The following ACAP3 variants were observed in gnomAD, a reference collection of about 807,000 sequenced individuals.
ACAP3 encodes arf-GAP with coiled-coil, ANK repeat and PH domain-containing protein 3.
Under a neutral mutation model 104.1 loss-of-function variants are expected in ACAP3, and 56 were observed. The ratio of observed to expected loss-of-function variants is 0.54; its 90% CI spans 0.43 to 0.67. The LOEUF is 0.67. Ranked by LOEUF, ACAP3 falls within the 30% of genes least tolerant of loss-of-function variation. ACAP3 has a pLI of 0.00. For missense variants in ACAP3, 1,208 were observed against 1,174.9 expected (o/e 1.03, Z -0.41); for synonymous variants, 628 against 496.2 (o/e 1.27, Z -3.53).
intron 4 of ACAP3, 149 bp downstream of exon 4, chr1:1,302,773 C>A (rs1197311789): frequency 3.3e-6 from 2 of 600,188 alleles, no homozygotes; most frequent in Admixed American, 2.3e-5. Context: ...CCCAACCCCA[C>A]ACTGACTTGA....
chr1:1,304,373 G>A (rs1641591009), intron 1 of ACAP3: 4 of 600,264 alleles, frequency 6.7e-6, no homozygotes, highest in Non-Finnish European at 8.8e-6. Context: ...TGTGCCCTCG[G>A]GGAAGAAGGC....
chr1:1,304,026 C>G, intron 2 of ACAP3, 60 bp downstream of exon 2: 1 of 1,546,392 alleles, frequency 6.5e-7, no homozygotes, highest in Non-Finnish European at 8.7e-7. Context: ...GAGGGCGAGT[C>G]TGGCCATGTG....
chr1:1,295,161 T>A (rs1044348040), intron 19 of ACAP3, among the ~76,000 whole-genome samples: 1 of 151,956 alleles, frequency 6.6e-6, no homozygotes, highest in African/African-American at 2.4e-5. Context: ...GCAGCATGGC[T>A]CCAGAAGGGC....
chr1:1,303,317 A>G lies in ACAP3; in HGVS notation c.106-36T>C, dbSNP rs1397607684. ...GCGGGGCGTGGTGAGCACAGTGGGC[A>G]CTGGCGCCTGCACTCGCCACCACAC... is the stretch of plus-strand genomic sequence containing the variant. On this transcript the variant is annotated intron_variant, in intron 2 of 23. Coordinates refer to ENST00000354700, the MANE Select transcript of ACAP3 (RefSeq NM_030649.3). The surrounding 1 kb of genome is among the most constrained non-coding windows in gnomAD (Gnocchi z 4.0). The G allele has an allele frequency of 3.9e-6, 6 of 1,550,578 alleles. No homozygotes were observed.
intron 21 of ACAP3, 26 bp downstream of exon 21, chr1:1,294,376 G>T (rs1034925171): frequency 1.4e-5 from 21 of 1,553,554 alleles, no homozygotes; most frequent in Non-Finnish European, 1.8e-5. Context: ...CCTGTGTCCT[G>T]CGCGCAGCCC....
intron 19 of ACAP3, chr1:1,295,022 C>G: frequency 1.7e-6 from 1 of 588,380 alleles, no homozygotes; most frequent in Non-Finnish European, 3.0e-6. Context: ...CAGGGGTAGC[C>G]CCCTAAAGCC....
chr1:1,293,740 C>A (rs1447793505), intron 23 of ACAP3, 32 bp from the exon 24 acceptor site: 3 of 1,453,596 alleles, frequency 2.1e-6, no homozygotes, highest in Non-Finnish European at 2.7e-6. Flanking sequence ...GACGCCCCTG[C>A]CCTGGAGGCC....
rs1462419133 is a variant in ACAP3, at chr1:1,298,120, G to A, written c.916-7C>T. 2 of 1,601,466 alleles carry A rather than the reference G, an allele frequency of 1.2e-6. No homozygotes were observed. Among genetic ancestry groups the A allele is most frequent in the Non-Finnish European group, 1.7e-6 (2 of 1,174,806 alleles). ...CCACCACGGTGAGGGCATCCTGTGG[G>A]CGGCACCGCTGTGGCCCCTGCCCTC... On this transcript the variant is annotated splice_region_variant and splice_polypyrimidine_tract_variant and intron_variant, in intron 12 of 23. Coordinates refer to ENST00000354700, the MANE Select transcript of ACAP3 (RefSeq NM_030649.3).
intron 9 of ACAP3, 47 bp downstream of exon 9, chr1:1,299,784 G>A (rs1313692237): frequency 1.3e-6 from 2 of 1,518,902 alleles, no homozygotes; most frequent in South Asian, 1.2e-5. Flanking sequence ...AGGACGCAGG[G>A]GCCTCCCAGG....
rs371663640 is a variant in ACAP3 at position 1,302,016 on chromosome 1, G to T, written c.310C>A (p.Arg104=). The T allele has an allele frequency of 1.3e-6, 2 of 1,570,908 alleles. No individual in the cohort carries two copies. The highest frequency in any genetic ancestry group is 2.7e-5 in the African/African-American group (2 of 73,134). ...ILFDQAQRSV[R]QQLQSFVKED... ...TTGACAAAGCTCTGGAGCTGCTGCC[G>T]CACGGACCTCTGGGCCTGGTCAAAC... The change falls in exon 5 of 24, where the codon CGG becomes AGG. Residue 104 remains arginine (R), a synonymous_variant. Coordinates refer to ENST00000354700, the MANE Select transcript of ACAP3 (RefSeq NM_030649.3).
Position 1,302,060 on chromosome 1 carries a change from C to A in ACAP3, c.280-14G>T. The stretch of plus-strand genomic sequence containing the variant: ...GTCAAACAGGATCTGGGGGCAGAGG[C>A]GGGCAGAGATCCTTGGGGTCTGTCC... On this transcript the variant is annotated splice_polypyrimidine_tract_variant and intron_variant, in intron 4 of 23. Transcript: ENST00000354700. 1.3e-6 allele frequency: 2 copies of A among 1,521,050 alleles called. No individual in the cohort carries two copies. Among genetic ancestry groups the A allele is most frequent in the Admixed American group, 2.0e-5 (1 of 49,108 alleles). The allele number at this position is 1,521,050 out of a possible 1,614,324, so 94.2% of individuals were successfully genotyped here. A position where few individuals can be genotyped will look rare whatever the true frequency, so the allele number is the denominator to read the frequency against.
rs1641052384 is a variant in ACAP3 at position 1,294,961 on chromosome 1, G to C, written c.1814-145C>G. 12 of 727,240 alleles carry C rather than the reference G, an allele frequency of 1.7e-5. No homozygotes were observed. In the South Asian group the frequency reaches 2.3e-4, roughly 14 times the overall value. 45.0% of individuals were successfully genotyped at this position (727,240 alleles called of 1,614,324 possible). A position where few individuals can be genotyped will look rare whatever the true frequency, so the allele number is the denominator to read the frequency against. On this transcript the variant is annotated intron_variant, in intron 19 of 23. Transcript: ENST00000354700. ...TCCCACCCAGGGCCGGGGGGAGCCA[G>C]CTGCAGGCTAGGAGCAAAGGAGAGA...
chr1:1,294,501 G>A lies in ACAP3; in HGVS notation c.2040C>T (p.Asp680=). Residue 680 remains aspartate, a synonymous_variant, in exon 21 of 24, where the codon GAC becomes GAT. Coordinates refer to ENST00000354700, the MANE Select transcript of ACAP3 (RefSeq NM_030649.3). ...CCAGCGCCGCCGCCAGCGCAGGAAG[G>A]TCGCGGGCACGCGCTGCGCGGTGCG... ...LLAHRAARAR[D]LPALAAALAH... is the part of the protein sequence containing the mutation. 1 of 1,534,830 alleles carries A rather than the reference G, an allele frequency of 6.5e-7. No homozygotes were observed. The highest frequency in any genetic ancestry group is 8.7e-7 in the Non-Finnish European group (1 of 1,147,700).
In ACAP3 at chr1:1,296,134, C is replaced by A. The variant is rs376304551; in HGVS notation, c.1408-25G>T. Reference sequence around the variant, plus strand: ...GCTAGCGGGAGACAGGGCGAGCAGGCATCAGTGCGAACCTGCAGACCCCAG... The same window carrying A: ...GCTAGCGGGAGACAGGGCGAGCAGGAATCAGTGCGAACCTGCAGACCCCAG... On this transcript the variant is annotated intron_variant, in intron 16 of 23. Coordinates refer to ENST00000354700, the MANE Select transcript of ACAP3 (RefSeq NM_030649.3). 3 of 1,612,076 alleles carry A rather than the reference C, an allele frequency of 1.9e-6. No individual in the cohort carries two copies. In the African/African-American group the frequency reaches 4.0e-5, roughly 21 times the overall value.
rs780846497 is a variant in ACAP3, at chr1:1,295,885, C to T, written c.1556G>A (p.Arg519Gln). The T allele has an allele frequency of 9.9e-6, 16 of 1,611,924 alleles. No homozygotes were observed. Among genetic ancestry groups the T allele is most frequent in the African/African-American group, 5.3e-5 (4 of 74,918 alleles). ...CAGGGCTGGTGCCATGGGCGCCTTC[C>T]GCAGAAACTTCTTTTCCACGTATTT... ...KDKYVEKKFLRKAPMAPALEA... is the reference protein window; with the variant it reads ...KDKYVEKKFLQKAPMAPALEA... The change falls in exon 18 of 24, where the codon CGG becomes CAG. Residue 519 changes from arginine (R) to glutamine (Q), a missense_variant. Physicochemically the swap from Arg to Gln is conservative, Grantham distance 43. Transcript: ENST00000354700.
chr1:1,306,462 C>T (rs557672907), intron 1 of ACAP3, among the ~76,000 whole-genome samples: 26 of 152,274 alleles, frequency 1.7e-4, no homozygotes, highest in African/African-American at 6.3e-4. Flanking sequence ...CCCCTTTTCC[C>T]AGGTCAGCAA....
In ACAP3 at chr1:1,294,187, C is replaced by T. The variant is rs1431417588; in HGVS notation, c.2152G>A (p.Val718Ile). Reference protein sequence around the residue: ...VQAVLGGSLIVCEFLLQNGAD... With the variant: ...VQAVLGGSLIICEFLLQNGAD... ...CCGTTTTGCAGCAGGAACTCACAGA[C>T]GATCAAGGAGCCCTGGGGAGCCGGG... The change falls in exon 22 of 24, where the codon GTC becomes ATC. Residue 718 changes from valine to isoleucine, a missense_variant. Physicochemically the swap from Val to Ile is conservative, Grantham distance 29. Transcript: ENST00000354700. 3.1e-6 allele frequency: 5 copies of T among 1,590,610 alleles called. No homozygotes were observed. Among genetic ancestry groups the T allele is most frequent in the East Asian group, 2.3e-5 (1 of 44,026 alleles).
At chr1:1,306,928 G>A in intron 1 of ACAP3, 1 of 376,214 alleles carries the variant, frequency 2.7e-6, no homozygotes, top group Non-Finnish European at 5.3e-6. Context: ...ACATGCAGAA[G>A]CAAGCACAGC....
chr1:1,293,923 G>A lies in ACAP3; in HGVS notation c.2260C>T (p.Leu754=), dbSNP rs980766447. 1 of 1,577,186 alleles carries A rather than the reference G, an allele frequency of 6.3e-7. No homozygotes were observed. The highest frequency in any genetic ancestry group is 8.6e-7 in the Non-Finnish European group (1 of 1,164,622). Reference sequence around the variant, plus strand: ...TGGTCCGCGCCCCGCTTCAGGAACAGGCAAACCTGGCTGAGGGGCGAGGTC... The same window carrying A: ...TGGTCCGCGCCCCGCTTCAGGAACAAGCAAACCTGGCTGAGGGGCGAGGTC... ...TLLGRTGQVC[L]FLKRGADQHA... is the part of the protein sequence containing the mutation. Residue 754 remains leucine, a synonymous_variant, in exon 23 of 24, where the codon CTG becomes TTG. Coordinates refer to ENST00000354700, the MANE Select transcript of ACAP3 (RefSeq NM_030649.3).
Sources: allele counts gnomAD v4.1 joint callset (sites outside exome capture counted in the v4.1 genomes callset), GRCh38; gene constraint gnomAD v4.1.1; non-coding constraint Gnocchi (gnomAD v3.1); transcripts MANE v1.5; gene names NCBI Gene and HGNC (gene_info 2026-07-23, HGNC 2026-07-21).